The following TNIP1 variants were observed in gnomAD, a reference collection of about 807,000 sequenced individuals.
The protein encoded by TNIP1 is TNFAIP3 interacting protein 1.
Under a neutral mutation model 86.6 loss-of-function variants are expected in TNIP1, and 22 were observed. That is an observed-to-expected ratio of 0.25 (90% confidence interval 0.18 to 0.36). The LOEUF is 0.36. Among genes scored for constraint, TNIP1 ranks in the 10% least tolerant of loss-of-function variants. TNIP1 has a pLI of 1.00. For synonymous variants in TNIP1, 294 were observed against 313.0 expected, an observed-to-expected ratio of 0.94 and a Z score of 0.64; for missense variants, 709 against 820.6, an observed-to-expected ratio of 0.86 and a Z score of 1.66.
At chr5:151,070,934 C>T (rs918865356) in intron 1 of TNIP1, among the ~76,000 whole-genome samples, 3 of 150,674 alleles carry the variant, frequency 2.0e-5, no homozygotes, top group Admixed American at 6.6e-5. Flanking sequence ...CCATGGACTC[C>T]GGGTGACAGT....
chr5:151,065,646 A>C (rs572490944), intron 1 of TNIP1, among the ~76,000 whole-genome samples: 1 of 152,232 alleles, frequency 6.6e-6, no homozygotes, highest in Non-Finnish European at 1.5e-5. Context: ...GAAAGTCTTA[A>C]GTTAATTTAG....
At chr5:151,070,192 T>G (rs749494168) in intron 1 of TNIP1, among the ~76,000 whole-genome samples, 1 of 152,234 alleles carries the variant, frequency 6.6e-6, no homozygotes, top group African/African-American at 2.4e-5. Context: ...AATATGTGTA[T>G]AGTTGGAAGG....
intron 12 of TNIP1, 78 bp from the exon 13 acceptor site, chr5:151,036,999 A>T: frequency 6.7e-7 from 1 of 1,482,720 alleles, no homozygotes; most frequent in South Asian, 1.4e-5. Context: ...TCCTCAGGGA[A>T]CTCCTTCCTA....
chr5:151,044,564 A>AT (rs1758880927), intron 9 of TNIP1, among the ~76,000 whole-genome samples: 1 of 152,208 alleles, frequency 6.6e-6, no homozygotes, highest in South Asian at 2.1e-4. Flanking sequence ...AAAGACGCTT[A>AT]TAACAATACA....
In TNIP1 at chr5:151,045,913, G is replaced by A. The variant is rs778522420; in HGVS notation, c.884C>T (p.Ala295Val). ...CACCTTCTTCTCGGCTGCGCCCAAGGCCACCACCTCTGGGACCTTACCTGC... is the reference window on the plus strand; with the variant it reads ...CACCTTCTTCTCGGCTGCGCCCAAGACCACCACCTCTGGGACCTTACCTGC... The part of the protein sequence containing the change: ...VTAGKVPEVV[A>V]LGAAEKKVKM... Residue 295 changes from alanine (A) to valine (V), a missense_variant, in exon 9 of 18, where the codon GCC becomes GTC. By Grantham distance (64) the Ala-to-Val change is moderately conservative. Transcript: ENST00000521591. The A allele has an allele frequency of 3.5e-5, 57 of 1,613,936 alleles. No individual in the cohort carries two copies. The highest frequency in any genetic ancestry group is 8.9e-5 in the East Asian group (4 of 44,894).
At chr5:151,030,947 T>C (rs1427283212) in intron 17 of TNIP1, among the ~76,000 whole-genome samples, 200 bp from the exon 18 acceptor site, 3 of 152,168 alleles carry the variant, frequency 2.0e-5, no homozygotes, top group Non-Finnish European at 4.4e-5. Context: ...TATTATCCCA[T>C]TGTAAAAGAG....
rs2233293 is a variant in TNIP1, at chr5:151,052,111, C to T, written c.722+54G>A. On this transcript the variant is annotated intron_variant, in intron 7 of 17. Coordinates refer to ENST00000521591, the MANE Select transcript of TNIP1 (RefSeq NM_006058.5). The stretch of plus-strand genomic sequence containing the variant: ...CCAGAAATCAGTGCTGCACACCAGC[C>T]CCTCCTCCTGCAGCCCCCACTCCTC... 5,620 of 1,528,620 alleles carry T rather than the reference C, an allele frequency of 3.7e-3. 183 individuals are homozygous for T. In the African/African-American group the frequency reaches 0.067, roughly 18 times the overall value. 94.7% of individuals were successfully genotyped at this position (1,528,620 alleles called of 1,614,324 possible). A position where few individuals can be genotyped will look rare whatever the true frequency, so the allele number is the denominator to read the frequency against.
Position 151,063,786 on chromosome 5 carries a change from C to T in TNIP1, c.137-39G>A, listed in dbSNP as rs2233285. 2.3e-4 allele frequency: 366 copies of T among 1,604,060 alleles called. 1 individual carries two copies. The African/African-American group carries it at 3.7e-3, about 16-fold the overall frequency. ...GGAAGAGGAAGCAAAAGCATTTACT[C>T]GGCTCAGTGTGCTGCTTCTCCCCGT... On this transcript the variant is annotated intron_variant, in intron 2 of 17. Transcript: ENST00000521591.
intron 1 of TNIP1, among the ~76,000 whole-genome samples, chr5:151,077,337 T>C (rs1251961484): frequency 1.3e-5 from 2 of 152,210 alleles, no homozygotes; most frequent in Non-Finnish European, 2.9e-5. Context: ...ATTCAAACCT[T>C]AGCAGCAAGT....
chr5:151,030,330 C>T lies in TNIP1; in HGVS notation c.*383G>A. 2.4e-6 allele frequency: 1 copy of T among 409,296 alleles called. No individual in the cohort carries two copies. Among genetic ancestry groups the T allele is most frequent in the Non-Finnish European group, 4.7e-6 (1 of 212,322 alleles). 25.4% of individuals were successfully genotyped at this position (409,296 alleles called of 1,614,324 possible). A position where few individuals can be genotyped will look rare whatever the true frequency, so the allele number is the denominator to read the frequency against. On this transcript the variant is annotated 3_prime_UTR_variant, in exon 18 of 18. Transcript: ENST00000521591. Reference sequence around the variant, plus strand: ...AAACACACACACAAATTGGTCATGGCAACTAGAGGGCCTGAAACCACTTCC... The same window carrying T: ...AAACACACACACAAATTGGTCATGGTAACTAGAGGGCCTGAAACCACTTCC...
upstream of TNIP1, among the ~76,000 whole-genome samples, chr5:151,083,008 C>T (rs1764137039): frequency 6.8e-6 from 1 of 146,714 alleles, no homozygotes; most frequent in Non-Finnish European, 1.5e-5. Context: ...AGTGACACAA[C>T]CAGGGCCTTG....
At chr5:151,047,675 A>G (rs931097482) in intron 8 of TNIP1, among the ~76,000 whole-genome samples, 5 of 152,164 alleles carry the variant, frequency 3.3e-5, no homozygotes, top group Admixed American at 3.3e-4. Flanking sequence ...CTGTAAGTCT[A>G]GTTATACCAA....
chr5:151,087,362 G>A (rs1764314514), upstream of TNIP1, among the ~76,000 whole-genome samples: 1 of 152,180 alleles, frequency 6.6e-6, no homozygotes, highest in Non-Finnish European at 1.5e-5. Flanking sequence ...ATTCCAGGGA[G>A]TTGGGGTTGG....
At chr5:151,042,834 A>C in intron 10 of TNIP1, 62 bp downstream of exon 10, 1 of 1,608,090 alleles carries the variant, frequency 6.2e-7, no homozygotes, top group Non-Finnish European at 8.5e-7. Flanking sequence ...CAAAGCTGCT[A>C]AAGAGGCAGC....
chr5:151,032,014 T>C (rs191290196), intron 17 of TNIP1: 261 of 383,760 alleles, frequency 6.8e-4, no homozygotes, highest in Middle Eastern at 6.1e-3. Flanking sequence ...GACATTACGC[T>C]GTATAAGGGC....
intron 1 of TNIP1, chr5:151,080,373 T>C (rs1763865409): frequency 6.6e-6 from 1 of 152,224 alleles, no homozygotes. Flanking sequence ...AAGTATAAAA[T>C]GGAGATAATA....
intron 5 of TNIP1, among the ~76,000 whole-genome samples, chr5:151,059,445 G>A (rs1761101592): frequency 6.6e-6 from 1 of 152,202 alleles, no homozygotes; most frequent in African/African-American, 2.4e-5. Flanking sequence ...GGCACTGACA[G>A]GTACATGGGG....
At chr5:151,056,567 CA>C (rs901044893) in intron 6 of TNIP1, among the ~76,000 whole-genome samples, 198 bp downstream of exon 6, 1 of 151,452 alleles carries the variant, frequency 6.6e-6, no homozygotes, top group African/African-American at 2.4e-5. Flanking sequence ...CGTATTTCCC[CA>C]TTTCCTTCCT....
upstream of TNIP1, among the ~76,000 whole-genome samples, chr5:151,085,758 C>A (rs1323657787): frequency 1.1e-4 from 17 of 152,236 alleles, no homozygotes; most frequent in Non-Finnish European, 2.9e-5. Flanking sequence ...TCCAGGGTTG[C>A]CCCTTGTCAT....
Sources: gnomAD v4.1 joint callset for allele counts (sites outside exome capture counted in the v4.1 genomes callset) on GRCh38, gnomAD v4.1.1 for gene constraint, MANE v1.5 for transcripts, NCBI Gene and HGNC (gene_info 2026-07-23, HGNC 2026-07-21) for gene names.